The following CDH18 variants were observed in gnomAD, a reference collection of about 807,000 sequenced individuals.
CDH18 encodes cadherin 18, also known as cadherin-18.
CDH18 carries 31 observed loss-of-function variants against 67.9 expected under a neutral mutation model. That is an observed-to-expected ratio of 0.46 (90% CI 0.34 to 0.62). CDH18 has a LOEUF of 0.62. Ranked by LOEUF, CDH18 falls within the 20% of genes least tolerant of loss-of-function variation. The pLI is 0.01. For synonymous variants in CDH18, 362 were observed against 347.2 expected, an observed-to-expected ratio of 1.04 and a Z score of -0.48; for missense variants, 890 against 975.5, an observed-to-expected ratio of 0.91 and a Z score of 1.17.
chr5:20,318,084 T>C (rs1435207346), intron 1 of CDH18, among the ~76,000 whole-genome samples: 2 of 152,102 alleles, frequency 1.3e-5, no homozygotes, highest in East Asian at 3.9e-4. Context: ...GAGGTGCTAT[T>C]ATGTTTTGTT....
chr5:19,958,379 CAAAAAAA>C lies in CDH18; in HGVS notation c.-257+22674_-257+22680del, dbSNP rs57913629. On this transcript the variant is annotated intron_variant, in intron 2 of 12. Coordinates refer to ENST00000382275, the MANE Select transcript of CDH18 (RefSeq NM_004934.5). ...CTCAATAGGATGATCTTTCCTTCACCAAAAAAAAAAAAAAAAAAAAAGGAGAAGCTAA... is the reference window on the plus strand; with the variant it reads ...CTCAATAGGATGATCTTTCCTTCACCAAAAAAAAAAAAAAGGAGAAGCTAA... Among the ~76,000 whole-genome samples the C allele has an allele frequency of 4.4e-4, 29 of 66,642 alleles. No homozygotes were observed. In the East Asian group the frequency reaches 9.6e-3, roughly 22 times the overall value. 43.7% of individuals were successfully genotyped at this position (66,642 alleles called of 152,430 possible).
chr5:20,524,268 T>C (rs1755912940), intron 1 of CDH18, among the ~76,000 whole-genome samples: 1 of 152,192 alleles, frequency 6.6e-6, no homozygotes, highest in African/African-American at 2.4e-5. Context: ...TTGTATAAAA[T>C]AGATTATAAT....
At chr5:20,240,396 T>A (rs116698098) in intron 2 of CDH18, among the ~76,000 whole-genome samples, 3 of 152,102 alleles carry the variant, frequency 2.0e-5, no homozygotes, top group African/African-American at 7.2e-5. Flanking sequence ...GAAAACTGTG[T>A]GCATAAATTT....
intron 1 of CDH18, among the ~76,000 whole-genome samples, chr5:20,509,008 C>T (rs542235789): frequency 6.6e-6 from 1 of 152,150 alleles, no homozygotes; most frequent in African/African-American, 2.4e-5. Flanking sequence ...TAAGACATAA[C>T]ATTTTGATAT....
At chr5:19,509,444 A>C (rs1744776547) in intron 10 of CDH18, among the ~76,000 whole-genome samples, 1 of 152,044 alleles carries the variant, frequency 6.6e-6, no homozygotes, top group Non-Finnish European at 1.5e-5. Context: ...ATCTAAAATA[A>C]TTTTTTCTAA....
chr5:19,916,690 T>A (rs185080534), intron 2 of CDH18, among the ~76,000 whole-genome samples: 1 of 152,330 alleles, frequency 6.6e-6, no homozygotes. Context: ...GTTCTATTTT[T>A]TAAATTGGAA....
At chr5:20,330,573 G>T (rs538301849) in intron 1 of CDH18, among the ~76,000 whole-genome samples, 51 of 152,256 alleles carry the variant, frequency 3.3e-4, no homozygotes, top group African/African-American at 1.1e-3. Flanking sequence ...GAGTTTAACT[G>T]GTATATGACC....
chr5:19,744,634 A>G (rs1440395199), intron 4 of CDH18, among the ~76,000 whole-genome samples: 4 of 151,544 alleles, frequency 2.6e-5, no homozygotes, highest in Non-Finnish European at 4.4e-5. Context: ...ACTATTTTCA[A>G]TTTCAACTGT....
chr5:19,478,573 C>T (rs1260925728), intron 12 of CDH18: 3 of 152,190 alleles, frequency 2.0e-5, no homozygotes, highest in Admixed American at 1.3e-4. Context: ...CCATTCTGAT[C>T]CTCATTTATC....
chr5:20,284,553 T>G (rs990443386), intron 1 of CDH18, among the ~76,000 whole-genome samples: 1 of 151,940 alleles, frequency 6.6e-6, no homozygotes, highest in Non-Finnish European at 1.5e-5. Context: ...TTAAGCATTA[T>G]TCTTCTTGTG....
chr5:20,157,264 A>T (rs1419246709), intron 2 of CDH18, among the ~76,000 whole-genome samples: 1 of 152,218 alleles, frequency 6.6e-6, no homozygotes, highest in Non-Finnish European at 1.5e-5. Context: ...GAAAAGCCTC[A>T]AATGAAGATT....
intron 2 of CDH18, among the ~76,000 whole-genome samples, chr5:20,133,062 T>C (rs981597630): frequency 6.6e-6 from 1 of 152,142 alleles, no homozygotes; most frequent in Admixed American, 6.6e-5. Context: ...TTATTTTCCT[T>C]CTGTCTGGAG....
intron 1 of CDH18, among the ~76,000 whole-genome samples, chr5:20,365,159 G>A (rs922280336): frequency 6.6e-6 from 1 of 152,262 alleles, no homozygotes; most frequent in South Asian, 2.1e-4. Context: ...CAGCATGGTT[G>A]GGTTCTGATA....
At chr5:19,908,492 T>C (rs1579537145) in intron 2 of CDH18, among the ~76,000 whole-genome samples, 2 of 152,250 alleles carry the variant, frequency 1.3e-5, no homozygotes. Flanking sequence ...GAAACATTAA[T>C]ATTTTCCACA....
intron 5 of CDH18, among the ~76,000 whole-genome samples, chr5:19,689,998 C>T (rs1482047602): frequency 6.6e-6 from 1 of 150,774 alleles, no homozygotes; most frequent in Admixed American, 6.6e-5. Context: ...AAGTCAAACA[C>T]AGTAAAAAGA....
At chr5:20,014,696 T>A (rs1310139623) in intron 2 of CDH18, among the ~76,000 whole-genome samples, 1 of 152,104 alleles carries the variant, frequency 6.6e-6, no homozygotes, top group African/African-American at 2.4e-5. Context: ...ATGTTATGGA[T>A]GAGGAAGTGG....
At chr5:20,432,262 C>T (rs892988987) in intron 1 of CDH18, among the ~76,000 whole-genome samples, 3 of 152,128 alleles carry the variant, frequency 2.0e-5, no homozygotes, top group Non-Finnish European at 4.4e-5. Flanking sequence ...CCCCAAAATA[C>T]TAATTATTAT....
chr5:20,008,185 G>C (rs997223094), intron 2 of CDH18, among the ~76,000 whole-genome samples: 1 of 152,034 alleles, frequency 6.6e-6, no homozygotes, highest in Admixed American at 6.6e-5. Flanking sequence ...GCAATGCACA[G>C]TTTGCTTTGG....
intron 2 of CDH18, among the ~76,000 whole-genome samples, chr5:19,939,843 C>T (rs1396177415): frequency 6.6e-6 from 1 of 151,824 alleles, no homozygotes; most frequent in Non-Finnish European, 1.5e-5. Flanking sequence ...TGGAAAGACT[C>T]ATCAATTTAA....
Sources: allele counts gnomAD v4.1 joint callset (sites outside exome capture counted in the v4.1 genomes callset), GRCh38; gene constraint gnomAD v4.1.1; transcripts MANE v1.5; gene names NCBI Gene and HGNC (gene_info 2026-07-23, HGNC 2026-07-21).